Variants in TNFRSF19 observed in about 807,000 individuals in gnomAD.
TNFRSF19 encodes the protein tumor necrosis factor receptor superfamily member 19.
A neutral mutation model predicts 46.4 loss-of-function variants in TNFRSF19; 27 were observed. The observed-to-expected ratio is 0.58, with a 90% CI of 0.43 to 0.80. TNFRSF19 has a LOEUF of 0.80. Among genes scored for constraint, TNFRSF19 ranks in the 30% least tolerant of loss-of-function variants. The pLI is 0.00. For missense variants in TNFRSF19, 511 were observed against 530.8 expected, an observed-to-expected ratio of 0.96 and a Z score of 0.37; for synonymous variants, 204 against 205.0, an observed-to-expected ratio of 1.00 and a Z score of 0.04.
intron 5 of TNFRSF19, among the ~76,000 whole-genome samples, chr13:23,629,782 G>C (rs1189060476): frequency 3.3e-5 from 5 of 152,206 alleles, no homozygotes; most frequent in African/African-American, 7.2e-5. Context: ...AGTAATGACT[G>C]TCTACCTGCT....
chr13:23,639,222 A>G (rs747280162), intron 5 of TNFRSF19, among the ~76,000 whole-genome samples: 21 of 152,020 alleles, frequency 1.4e-4, no homozygotes, highest in Non-Finnish European at 2.8e-4. Context: ...ATGAAACCCT[A>G]TCTCTACTAA....
At chr13:23,580,549 T>C (rs189106039) in intron 1 of TNFRSF19, among the ~76,000 whole-genome samples, 9 of 152,394 alleles carry the variant, frequency 5.9e-5, no homozygotes, top group Admixed American at 5.9e-4. Flanking sequence ...ATTTACTCAG[T>C]ACCTTTTCTG....
chr13:23,614,903 C>T (rs1169591200), intron 3 of TNFRSF19, among the ~76,000 whole-genome samples: 1 of 151,962 alleles, frequency 6.6e-6, no homozygotes, highest in East Asian at 1.9e-4. Context: ...CGCTCTATCC[C>T]CCAATCTATG....
chr13:23,572,846 C>T (rs7997501), intron 1 of TNFRSF19, among the ~76,000 whole-genome samples: 45,116 of 152,008 alleles, frequency 0.3, 6,793 homozygotes, highest in South Asian at 0.34. Context: ...CTGAACAAAA[C>T]CCTTATGTGA....
Position 23,642,008 on chromosome 13 carries a change from T to C in TNFRSF19, c.445+15216T>C, listed in dbSNP as rs185939044. ...ATCCCATGTAACTTACTGAATACTGTATCATACACTATGTCAAAATTGCAA... is the reference window on the plus strand; with the variant it reads ...ATCCCATGTAACTTACTGAATACTGCATCATACACTATGTCAAAATTGCAA... On this transcript the variant is annotated intron_variant, in intron 5 of 9. Transcript: ENST00000248484. Among the ~76,000 whole-genome samples the C allele has an allele frequency of 6.6e-5, 10 of 152,356 alleles. No individual in the cohort carries two copies. The East Asian group carries it at 1.9e-3, about 29-fold the overall frequency.
chr13:23,641,954 A>G (rs1883055612), intron 5 of TNFRSF19, among the ~76,000 whole-genome samples: 1 of 152,238 alleles, frequency 6.6e-6, no homozygotes, highest in Admixed American at 6.5e-5. Flanking sequence ...GTCATCTAAC[A>G]TAAAGCCTAT....
chr13:23,659,154 G>A lies in TNFRSF19; in HGVS notation c.550G>A (p.Ala184Thr). 1.2e-6 allele frequency: 2 copies of A among 1,614,144 alleles called. No individual in the cohort carries two copies. The highest frequency in any genetic ancestry group is 1.7e-6 in the Non-Finnish European group (2 of 1,180,026). The change falls in exon 6 of 10, where the codon GCC becomes ACC. Residue 184 changes from alanine to threonine, a missense_variant. By Grantham distance (58) the Ala-to-Thr change is moderately conservative (BLOSUM62 0). This residue lies in a region of TNFRSF19 where 376 missense variants were observed against 372.7 expected (regional missense o/e 1.01). Transcript: ENST00000248484. The surrounding 1 kb of genome is among the most constrained non-coding windows in gnomAD (Gnocchi z 4.9). Reference protein sequence around the residue: ...ICSALATVLLALLILCVIYCK... With the variant: ...ICSALATVLLTLLILCVIYCK... ...CAGCGCTCTGGCCACCGTCCTGCTG[G>A]CCCTGCTCATCCTCTGTGTCATCTA...
intron 3 of TNFRSF19, among the ~76,000 whole-genome samples, chr13:23,613,836 C>A (rs749717956): frequency 6.6e-6 from 1 of 152,202 alleles, no homozygotes; most frequent in Non-Finnish European, 1.5e-5. Context: ...GCTGTCCCAG[C>A]CCAGAGCCAG....
intron 3 of TNFRSF19, among the ~76,000 whole-genome samples, chr13:23,614,421 G>A (rs568596638): frequency 1.2e-4 from 19 of 152,192 alleles, no homozygotes; most frequent in Non-Finnish European, 2.8e-4. Flanking sequence ...AGTTGATTTC[G>A]TATACAAATA....
intron 5 of TNFRSF19, among the ~76,000 whole-genome samples, chr13:23,627,470 GGAA>G (rs1369003988): frequency 2.6e-5 from 4 of 152,210 alleles, no homozygotes; most frequent in Non-Finnish European, 5.9e-5. Context: ...ATTTTGAATA[GGAA>G]GAAGAGTGGC....
chr13:23,658,816 G>A (rs77069437), intron 5 of TNFRSF19, among the ~76,000 whole-genome samples: 2,396 of 152,294 alleles, frequency 0.016, 57 homozygotes, highest in African/African-American at 0.055. Flanking sequence ...TTGTGTGTCC[G>A]TAGCGCTCTG....
chr13:23,609,211 G>A (rs568204730), intron 3 of TNFRSF19, among the ~76,000 whole-genome samples: 116 of 152,226 alleles, frequency 7.6e-4, no homozygotes, highest in African/African-American at 2.6e-3. Flanking sequence ...ACAGGATTTC[G>A]ATTTTGAAAG....
chr13:23,640,863 G>A (rs1364616177), intron 5 of TNFRSF19, among the ~76,000 whole-genome samples: 10 of 151,962 alleles, frequency 6.6e-5, no homozygotes, highest in African/African-American at 1.9e-4. Context: ...TTTTTCTTCA[G>A]GTTCATTTCT....
At chr13:23,629,975 C>T (rs1882248938) in intron 5 of TNFRSF19, among the ~76,000 whole-genome samples, 2 of 152,046 alleles carry the variant, frequency 1.3e-5, no homozygotes, top group Non-Finnish European at 1.5e-5. Flanking sequence ...TGAAGGGTAC[C>T]GGAAAGTGGG....
intron 4 of TNFRSF19, among the ~76,000 whole-genome samples, chr13:23,624,919 T>G (rs1032518050): frequency 3.2e-4 from 49 of 151,820 alleles, no homozygotes; most frequent in African/African-American, 1.1e-3. Flanking sequence ...CCCAGCTAAT[T>G]TTTTGTATTT....
At chr13:23,636,454 C>T (rs1212768684) in intron 5 of TNFRSF19, among the ~76,000 whole-genome samples, 1 of 152,170 alleles carries the variant, frequency 6.6e-6, no homozygotes, top group African/African-American at 2.4e-5. Flanking sequence ...ATGATCTCCT[C>T]GTCTTCTCCT....
intron 1 of TNFRSF19, among the ~76,000 whole-genome samples, chr13:23,587,745 T>C (rs1173627634): frequency 6.6e-6 from 1 of 152,216 alleles, no homozygotes; most frequent in Non-Finnish European, 1.5e-5. Flanking sequence ...ATTTGTTTCC[T>C]TGGACCTTCA....
intron 4 of TNFRSF19, among the ~76,000 whole-genome samples, chr13:23,619,894 G>A (rs889072761): frequency 7.9e-5 from 12 of 152,158 alleles, no homozygotes; most frequent in African/African-American, 2.7e-4. Context: ...AGGTCTGCCC[G>A]GGACTCCACC....
intron 4 of TNFRSF19, among the ~76,000 whole-genome samples, chr13:23,621,867 T>C (rs956537212): frequency 1.3e-5 from 2 of 151,656 alleles, no homozygotes; most frequent in African/African-American, 2.4e-5. Flanking sequence ...GGAGGATGGC[T>C]TGAGCCCAGG....
Sources: gnomAD v4.1 joint callset for allele counts (sites outside exome capture counted in the v4.1 genomes callset) on GRCh38, gnomAD v4.1.1 for gene constraint, gnomAD v4.1.1 regional missense constraint, Gnocchi (gnomAD v3.1) non-coding constraint, MANE v1.5 for transcripts, NCBI Gene and HGNC (gene_info 2026-07-23, HGNC 2026-07-21) for gene names.